Variants in SLC7A11 observed in about 807,000 individuals in gnomAD.
SLC7A11 encodes the protein cystine/glutamate transporter.
Under a neutral mutation model 54.5 loss-of-function variants are expected in SLC7A11, and 35 were observed. The observed-to-expected ratio is 0.64, with a 90% CI of 0.49 to 0.85. The LOEUF (loss-of-function observed/expected upper bound fraction) is 0.85, where lower values mean the gene tolerates loss of function less well. Among genes scored for constraint, SLC7A11 ranks in the 40% least tolerant of loss-of-function variants. The pLI, the probability that SLC7A11 is intolerant of heterozygous loss-of-function variation, is 0.00. For missense variants in SLC7A11, 583 were observed against 618.1 expected (o/e 0.94, Z 0.60); for synonymous variants, 230 against 225.2 (o/e 1.02, Z -0.19).
intron 1 of SLC7A11, among the ~76,000 whole-genome samples, chr4:138,237,337 ACT>A (rs1307346793): frequency 1.3e-5 from 2 of 149,372 alleles, no homozygotes; most frequent in African/African-American, 4.9e-5. Context: ...ATGAATTCTG[ACT>A]CTGTTTCTAT....
At chr4:138,234,931 A>T (rs146168507) in intron 2 of SLC7A11, among the ~76,000 whole-genome samples, 2 of 152,370 alleles carry the variant, frequency 1.3e-5, no homozygotes, top group Admixed American at 1.3e-4. Flanking sequence ...TGTAACTTTA[A>T]ACTTTCAATT....
At chr4:138,177,232 T>C (rs1452088568) in intron 11 of SLC7A11, 1 of 152,172 alleles carries the variant, frequency 6.6e-6, no homozygotes, top group East Asian at 1.9e-4. Context: ...AACACTGGCA[T>C]TATTTATTAA....
At chr4:138,234,033 G>T (rs752376056) in intron 2 of SLC7A11, among the ~76,000 whole-genome samples, 9 of 152,118 alleles carry the variant, frequency 5.9e-5, no homozygotes, top group Non-Finnish European at 1.5e-5. Flanking sequence ...GTCTTCCACA[G>T]TGCTTATCAC....
Position 138,164,676 on chromosome 4 carries a change from C to CCCT in SLC7A11, c.*7277_*7279dup, listed in dbSNP as rs1176493226. 2.0e-5 allele frequency: 3 copies of CCCT among 152,006 alleles called. No homozygotes were observed. Among genetic ancestry groups the CCCT allele is most frequent in the Non-Finnish European group, 4.4e-5 (3 of 67,984 alleles). 9.4% of individuals were successfully genotyped at this position (152,006 alleles called of 1,614,324 possible). On this transcript the variant is annotated 3_prime_UTR_variant, in exon 12 of 12. Transcript: ENST00000280612. Reference sequence around the variant, plus strand: ...AAATTTGTATAAAATACACACAATCCCCTCTACTAAGTTTCATGATCACAG... The same window carrying CCCT: ...AAATTTGTATAAAATACACACAATCCCCTCCTCTACTAAGTTTCATGATCACAG...
chr4:138,223,974 A>G (rs901638770), intron 3 of SLC7A11, among the ~76,000 whole-genome samples: 1 of 152,202 alleles, frequency 6.6e-6, no homozygotes, highest in African/African-American at 2.4e-5. Flanking sequence ...GCTAGAATGC[A>G]CATTGGGTTC....
Position 138,171,853 on chromosome 4 carries a change from T to C in SLC7A11, c.*103A>G. On this transcript the variant is annotated 3_prime_UTR_variant, in exon 12 of 12. Coordinates refer to ENST00000280612, the MANE Select transcript of SLC7A11 (RefSeq NM_014331.4). ...AATAAAAATAACTGACTCCTTTTGT[T>C]TATCACCAAAGTTGTAATTCTCTAG... is the stretch of plus-strand genomic sequence containing the variant. 7.0e-7 allele frequency: 1 copy of C among 1,432,824 alleles called. No individual in the cohort carries two copies. The highest frequency in any genetic ancestry group is 9.3e-7 in the Non-Finnish European group (1 of 1,071,886). The allele number at this position is 1,432,824 out of a possible 1,614,324, so 88.8% of individuals were successfully genotyped here.
intron 6 of SLC7A11, among the ~76,000 whole-genome samples, chr4:138,202,823 C>T (rs1737319931): frequency 6.6e-6 from 1 of 152,086 alleles, no homozygotes; most frequent in South Asian, 2.1e-4. Flanking sequence ...AGCCACCTGA[C>T]TCCAAGTGCA....
In SLC7A11 at chr4:138,170,646, T is replaced by C. The variant is rs1378860360; in HGVS notation, c.*1310A>G. The C allele has an allele frequency of 6.6e-6, 1 of 151,970 alleles. No individual in the cohort carries two copies. Among genetic ancestry groups the C allele is most frequent in the Non-Finnish European group, 1.5e-5 (1 of 67,980 alleles). 9.4% of individuals were successfully genotyped at this position (151,970 alleles called of 1,614,324 possible). ...ATTTTCTAATACTGGCAAAACAACA[T>C]CTTCTGAACACAAACACTTATCCAC... On this transcript the variant is annotated 3_prime_UTR_variant, in exon 12 of 12. Transcript: ENST00000280612.
At chr4:138,216,575 T>C (rs569001197) in intron 5 of SLC7A11, among the ~76,000 whole-genome samples, 1 of 152,268 alleles carries the variant, frequency 6.6e-6, no homozygotes, top group East Asian at 1.9e-4. Context: ...CTACTCAAGT[T>C]TCTGTGAAGT....
At chr4:138,223,453 G>A (rs1250800150) in intron 3 of SLC7A11, 129 bp from the exon 4 acceptor site, 2 of 953,474 alleles carry the variant, frequency 2.1e-6, no homozygotes, top group East Asian at 5.3e-5. Flanking sequence ...TTTTAGAAAT[G>A]CAGAATCTCA....
chr4:138,231,582 T>G (rs755317649), intron 3 of SLC7A11, among the ~76,000 whole-genome samples: 2 of 152,196 alleles, frequency 1.3e-5, no homozygotes, highest in Non-Finnish European at 2.9e-5. Flanking sequence ...CTTTCCCATA[T>G]TTAAGGATTT....
Position 138,185,230 on chromosome 4 carries a change from G to T in SLC7A11, c.806C>A (p.Ala269Glu). 1 of 1,612,640 alleles carries T rather than the reference G, an allele frequency of 6.2e-7. No homozygotes were observed. The highest frequency in any genetic ancestry group is 8.5e-7 in the Non-Finnish European group (1 of 1,178,968). The change falls in exon 7 of 12, where the codon GCA becomes GAA. Residue 269 changes from alanine (A) to glutamate (E), a missense_variant. By Grantham distance (107) the Ala-to-Glu change is moderately radical. Coordinates refer to ENST00000280612, the MANE Select transcript of SLC7A11 (RefSeq NM_014331.4). ...VENPEKTIPL[A>E]ICISMAIVTI... ...GACAATGGCCATGGATATACATATT[G>T]CAAGGGGAATGGTTCTGAAATGCAC... is the stretch of plus-strand genomic sequence containing the variant.
intron 11 of SLC7A11, chr4:138,175,851 A>G (rs779237542): frequency 3.3e-5 from 5 of 152,262 alleles, no homozygotes; most frequent in Non-Finnish European, 5.9e-5. Context: ...GGTAAAATGC[A>G]TTTTGATAGA....
At chr4:138,206,048 G>A (rs369543185) in intron 6 of SLC7A11, among the ~76,000 whole-genome samples, 5 of 152,090 alleles carry the variant, frequency 3.3e-5, no homozygotes, top group Admixed American at 2.6e-4. Context: ...CCCAGTTCAA[G>A]GAAGTTATAT....
intron 5 of SLC7A11, among the ~76,000 whole-genome samples, chr4:138,215,754 A>G (rs1737664608): frequency 6.9e-6 from 1 of 145,718 alleles, no homozygotes. Flanking sequence ...GGAAAGAAAA[A>G]AGAAAAAAAA....
chr4:138,179,181 G>A, intron 11 of SLC7A11, 36 bp downstream of exon 11: 1 of 1,430,956 alleles, frequency 7.0e-7, no homozygotes, highest in Non-Finnish European at 9.8e-7. Flanking sequence ...TCTACATGGT[G>A]TTGCACAATG....
At position 138,236,393 on chromosome 4, in the gene SLC7A11, T is replaced by C. The variant is rs756590547; in HGVS notation, c.336A>G (p.Thr112=). ...ATGGACCAAAGACTTCCAAAATATA[T>C]GTGTAATGACCTCCAGATTTCTTTA... ...TTIKKSGGHY[T]YILEVFGPLP... is the part of the protein sequence containing the mutation. The change falls in exon 2 of 12, where the codon ACA becomes ACG. Residue 112 remains threonine, a synonymous_variant. Transcript: ENST00000280612. 1.9e-6 allele frequency: 3 copies of C among 1,613,334 alleles called. No individual in the cohort carries two copies. The highest frequency in any genetic ancestry group is 1.1e-5 in the South Asian group (1 of 91,030).
intron 6 of SLC7A11, among the ~76,000 whole-genome samples, chr4:138,198,337 T>C (rs1468396396): frequency 6.6e-6 from 1 of 152,072 alleles, no homozygotes. Context: ...GGACAAACTT[T>C]TTACAAATAA....
In SLC7A11 at chr4:138,179,488, G is replaced by C. The variant is rs564162427; in HGVS notation, c.1267-94C>G. ...CGTGTCAGTCATGACATATACTTTA[G>C]TGATATGCTGTAGTCATGCGACCAG... is the stretch of plus-strand genomic sequence containing the variant. On this transcript the variant is annotated intron_variant, in intron 10 of 11. Coordinates refer to ENST00000280612, the MANE Select transcript of SLC7A11 (RefSeq NM_014331.4). The C allele has an allele frequency of 6.7e-6, 7 of 1,047,382 alleles. No homozygotes were observed. In the African/African-American group the frequency reaches 8.0e-5, roughly 12 times the overall value. 64.9% of individuals were successfully genotyped at this position (1,047,382 alleles called of 1,614,324 possible). A position where few individuals can be genotyped will look rare whatever the true frequency, so the allele number is the denominator to read the frequency against.
Sources: allele counts gnomAD v4.1 joint callset (sites outside exome capture counted in the v4.1 genomes callset), GRCh38; gene constraint gnomAD v4.1.1; transcripts MANE v1.5; gene names NCBI Gene and HGNC (gene_info 2026-07-23, HGNC 2026-07-21).